SIMC1: variants seen among roughly 807,000 people sequenced by gnomAD.
SIMC1 encodes SUMO interacting motifs containing 1.
A neutral mutation model predicts 82.3 loss-of-function variants in SIMC1; 55 were observed. That is an observed-to-expected ratio of 0.67 (90% CI 0.54 to 0.84). The LOEUF (loss-of-function observed/expected upper bound fraction) is 0.84, where lower values mean the gene tolerates loss of function less well. Ranked by LOEUF, SIMC1 falls within the 40% of genes least tolerant of loss-of-function variation. The pLI is 0.00. For synonymous variants in SIMC1, 353 were observed against 426.3 expected (o/e 0.83, Z 2.12); for missense variants, 915 against 1,107.2 (o/e 0.83, Z 2.46).
intron 5 of SIMC1, among the ~76,000 whole-genome samples, chr5:176,317,328 G>T (rs2113355772): frequency 6.6e-6 from 1 of 152,196 alleles, no homozygotes; most frequent in Non-Finnish European, 1.5e-5. Flanking sequence ...TTTGAACTAT[G>T]CATACAAAGA....
intron 1 of SIMC1, among the ~76,000 whole-genome samples, chr5:176,270,753 G>A (rs1762389723): frequency 6.6e-6 from 1 of 152,222 alleles, no homozygotes; most frequent in Non-Finnish European, 1.5e-5. Flanking sequence ...GCAGAATTTG[G>A]CCAGTGCCCA....
intron 1 of SIMC1, among the ~76,000 whole-genome samples, chr5:176,283,348 G>C (rs1342943172): frequency 2.0e-5 from 3 of 152,226 alleles, no homozygotes; most frequent in Admixed American, 2.0e-4. Flanking sequence ...CTATAAGCCA[G>C]AAGAGAGTGG....
At chr5:176,285,897 A>G (rs1392837524) in intron 1 of SIMC1, among the ~76,000 whole-genome samples, 3 of 152,220 alleles carry the variant, frequency 2.0e-5, no homozygotes, top group Non-Finnish European at 4.4e-5. Flanking sequence ...TGCTTCAAAG[A>G]GAATAAAATA....
chr5:176,303,326 T>TA (rs1764125541), intron 4 of SIMC1, among the ~76,000 whole-genome samples: 1 of 17,928 alleles, frequency 5.6e-5, no homozygotes, highest in African/African-American at 9.7e-5. Flanking sequence ...GCCAAAGCAA[T>TA]TTTTTTTTTT....
intron 9 of SIMC1, among the ~76,000 whole-genome samples, chr5:176,340,309 T>TC (rs1268475135): frequency 1.3e-5 from 2 of 151,848 alleles, no homozygotes; most frequent in African/African-American, 4.8e-5. Context: ...AGAGAATCAA[T>TC]CCCCCCCACC....
At chr5:176,335,574 G>A (rs1409644196) in intron 7 of SIMC1, among the ~76,000 whole-genome samples, 3 of 149,254 alleles carry the variant, frequency 2.0e-5, no homozygotes, top group South Asian at 2.3e-4. Context: ...CACCACGCCC[G>A]GCCTTGTTTT....
chr5:176,251,948 CA>C (rs1182741658), intron 1 of SIMC1, among the ~76,000 whole-genome samples: 2 of 149,900 alleles, frequency 1.3e-5, no homozygotes, highest in African/African-American at 4.9e-5. Flanking sequence ...TTTCTTAGTA[CA>C]GAACAAAATG....
intron 9 of SIMC1, among the ~76,000 whole-genome samples, chr5:176,340,510 G>T (rs1202906185): frequency 6.6e-6 from 1 of 152,212 alleles, no homozygotes; most frequent in East Asian, 1.9e-4. Flanking sequence ...TCATTCTGAG[G>T]CCAGTCACAC....
At chr5:176,286,073 T>G (rs1263789923) in intron 1 of SIMC1, among the ~76,000 whole-genome samples, 1 of 152,244 alleles carries the variant, frequency 6.6e-6, no homozygotes, top group African/African-American at 2.4e-5. Context: ...AGGTAATTTA[T>G]AGATTCAATG....
intron 1 of SIMC1, among the ~76,000 whole-genome samples, chr5:176,276,126 A>G (rs982043953): frequency 1.3e-5 from 2 of 151,626 alleles, no homozygotes; most frequent in African/African-American, 4.9e-5. Context: ...TTAGTAAGCT[A>G]TTGATTATTG....
rs111485434 is a variant in SIMC1 at position 176,277,111 on chromosome 5, C to T, written c.130-12543C>T. On this transcript the variant is annotated intron_variant, in intron 1 of 9. Transcript: ENST00000429602. ...TCTCCACATCCTCTCCAGCACCTGT[C>T]GTTTCCTGACTTTTTAATGATTGCC... Among the ~76,000 whole-genome samples the T allele has an allele frequency of 2.3e-3, 344 of 151,890 alleles. 2 individuals are homozygous for T. Among genetic ancestry groups the T allele is most frequent in the African/African-American group, 5.8e-3 (239 of 41,286 alleles).
At chr5:176,246,350 A>G (rs1761441519) in intron 1 of SIMC1, among the ~76,000 whole-genome samples, 1 of 150,168 alleles carries the variant, frequency 6.7e-6, no homozygotes, top group Non-Finnish European at 1.5e-5. Flanking sequence ...CATTTCCCTC[A>G]TTTGATCAAG....
At chr5:176,258,734 A>G (rs1761925063) in intron 1 of SIMC1, among the ~76,000 whole-genome samples, 1 of 148,926 alleles carries the variant, frequency 6.7e-6, no homozygotes, top group Non-Finnish European at 1.5e-5. Context: ...AAATTCATCT[A>G]CATTTTGAAT....
intron 4 of SIMC1, among the ~76,000 whole-genome samples, chr5:176,298,821 A>C (rs1763925705): frequency 1.3e-5 from 2 of 152,208 alleles, no homozygotes; most frequent in African/African-American, 4.8e-5. Flanking sequence ...ATAGAATATA[A>C]CCAAAAGGAA....
At chr5:176,242,125 A>G (rs1287012991) in intron 1 of SIMC1, among the ~76,000 whole-genome samples, 2 of 152,148 alleles carry the variant, frequency 1.3e-5, no homozygotes, top group Non-Finnish European at 2.9e-5. Flanking sequence ...GAAATTGATT[A>G]GTGTCACGTG....
intron 7 of SIMC1, among the ~76,000 whole-genome samples, chr5:176,326,003 C>T (rs959279941): frequency 6.6e-6 from 1 of 152,154 alleles, no homozygotes; most frequent in Non-Finnish European, 1.5e-5. Context: ...ACAATGATTC[C>T]TTCCTTGACC....
intron 1 of SIMC1, among the ~76,000 whole-genome samples, chr5:176,261,630 C>A (rs1038501271): frequency 6.6e-6 from 1 of 151,828 alleles, no homozygotes; most frequent in Non-Finnish European, 1.5e-5. Flanking sequence ...CACCTGTAAT[C>A]CCAGCTACTC....
At position 176,273,272 on chromosome 5, in the gene SIMC1, G is replaced by T. The variant is rs188408608; in HGVS notation, c.130-16382G>T. On this transcript the variant is annotated intron_variant, in intron 1 of 9. Coordinates refer to ENST00000429602, the MANE Select transcript of SIMC1 (RefSeq NM_001308195.2). Reference sequence around the variant, plus strand: ...ATCAGGCAGCAGCATTTGCTGTTCCGCAATATTCACTGTTCTGCAGCCTCT... The same window carrying T: ...ATCAGGCAGCAGCATTTGCTGTTCCTCAATATTCACTGTTCTGCAGCCTCT... Among the ~76,000 whole-genome samples the T allele has an allele frequency of 1.6e-3, 237 of 152,268 alleles. 1 individual carries two copies. Among genetic ancestry groups the T allele is most frequent in the African/African-American group, 4.3e-3 (178 of 41,542 alleles).
intron 8 of SIMC1, 58 bp downstream of exon 8, chr5:176,336,934 A>G (rs1765926300): frequency 1.2e-6 from 2 of 1,606,194 alleles, no homozygotes; most frequent in Non-Finnish European, 1.7e-6. Context: ...TCTAGGCCCG[A>G]ACCCTTCCCA....
Sources: allele counts gnomAD v4.1 joint callset (sites outside exome capture counted in the v4.1 genomes callset), GRCh38; gene constraint gnomAD v4.1.1; transcripts MANE v1.5; gene names NCBI Gene and HGNC (gene_info 2026-07-23, HGNC 2026-07-21).